The following LIN52 variants were observed in gnomAD, a reference collection of about 807,000 sequenced individuals.
LIN52 encodes lin-52 DREAM MuvB core complex component.
In LIN52, 4 loss-of-function variants were observed where a neutral mutation model predicts 18.5. That is an observed-to-expected ratio of 0.22 (90% confidence interval 0.11 to 0.49). LIN52 has a LOEUF of 0.49. Ranked by LOEUF, LIN52 falls within the 20% of genes least tolerant of loss-of-function variation. The probability of loss-of-function intolerance (pLI) is 0.97; values close to 1 mark genes in which losing one functional copy is unlikely to be tolerated. For missense variants in LIN52, 102 were observed against 139.5 expected (o/e 0.73, Z 1.35); for synonymous variants, 34 against 45.5 (o/e 0.75, Z 1.02).
intron 5 of LIN52, among the ~76,000 whole-genome samples, chr14:74,172,775 A>G (rs2061277098): frequency 6.6e-6 from 1 of 152,260 alleles, no homozygotes; most frequent in Non-Finnish European, 1.5e-5. Context: ...TGTTCTGCTC[A>G]AATAGCCACA....
At chr14:74,119,268 T>A (rs2060983557) in intron 5 of LIN52, among the ~76,000 whole-genome samples, 1 of 151,440 alleles carries the variant, frequency 6.6e-6, no homozygotes, top group East Asian at 1.9e-4. Flanking sequence ...TTCATGCCAT[T>A]CTCCTGCCTC....
At chr14:74,164,863 T>C (rs1389468597) in intron 5 of LIN52, among the ~76,000 whole-genome samples, 3 of 152,068 alleles carry the variant, frequency 2.0e-5, no homozygotes, top group Admixed American at 2.0e-4. Context: ...ATTACCAATG[T>C]TTGAGAAAAG....
At chr14:74,165,825 A>G (rs1441671384) in intron 5 of LIN52, among the ~76,000 whole-genome samples, 1 of 150,340 alleles carries the variant, frequency 6.7e-6, no homozygotes, top group Non-Finnish European at 1.5e-5. Flanking sequence ...CTTATTAAAC[A>G]TTGTTTAGCC....
chr14:74,166,678 A>G (rs1166757559), intron 5 of LIN52, among the ~76,000 whole-genome samples: 1 of 152,210 alleles, frequency 6.6e-6, no homozygotes, highest in Non-Finnish European at 1.5e-5. Flanking sequence ...CTTTAGCAAT[A>G]TGTTGATCAC....
At chr14:74,128,950 A>G (rs968587207) in intron 5 of LIN52, among the ~76,000 whole-genome samples, 2 of 152,202 alleles carry the variant, frequency 1.3e-5, no homozygotes, top group South Asian at 4.1e-4. Context: ...TAAAAAAACA[A>G]AACAAAACAA....
chr14:74,166,597 T>C (rs2061251009), intron 5 of LIN52, among the ~76,000 whole-genome samples: 1 of 152,232 alleles, frequency 6.6e-6, no homozygotes, highest in Admixed American at 6.5e-5. Flanking sequence ...CCAAAATATA[T>C]AATTCATTTT....
At chr14:74,116,414 A>T (rs573034612) in intron 5 of LIN52, among the ~76,000 whole-genome samples, 13 of 152,328 alleles carry the variant, frequency 8.5e-5, no homozygotes, top group African/African-American at 3.1e-4. Flanking sequence ...TCATTAAAAA[A>T]CATTAAAGGG....
chr14:74,144,014 C>A (rs910952842), intron 5 of LIN52, among the ~76,000 whole-genome samples: 7 of 151,968 alleles, frequency 4.6e-5, no homozygotes, highest in African/African-American at 1.7e-4. Context: ...CAAGATTCCA[C>A]ATATGAGTGA....
chr14:74,106,384 C>T (rs1353960112), intron 5 of LIN52, among the ~76,000 whole-genome samples: 1 of 152,104 alleles, frequency 6.6e-6, no homozygotes, highest in East Asian at 1.9e-4. Flanking sequence ...ATCCTCCCAC[C>T]TCAGCCTCCC....
chr14:74,103,684 C>T lies in LIN52; in HGVS notation c.283+2446C>T, dbSNP rs1237172179. Among the ~76,000 whole-genome samples, 11 of 148,500 alleles carry T rather than the reference C, an allele frequency of 7.4e-5. No individual in the cohort carries two copies. In the East Asian group the frequency reaches 1.6e-3, roughly 22 times the overall value. ...TGACCTCAGGTGATCTGCCCAACTC[C>T]GCCTCCCAAAGTGCTGGGATTACAG... On this transcript the variant is annotated intron_variant, in intron 5 of 5. Coordinates refer to ENST00000555028, the MANE Select transcript of LIN52 (RefSeq NM_001024674.3).
At chr14:74,146,303 C>T (rs2061152250) in intron 5 of LIN52, among the ~76,000 whole-genome samples, 2 of 152,076 alleles carry the variant, frequency 1.3e-5, no homozygotes, top group African/African-American at 4.8e-5. Flanking sequence ...ATATCTGTGC[C>T]AACCATAAGA....
intron 5 of LIN52, among the ~76,000 whole-genome samples, chr14:74,155,780 A>T (rs1413783122): frequency 1.3e-5 from 2 of 152,124 alleles, no homozygotes; most frequent in Non-Finnish European, 2.9e-5. Flanking sequence ...CCTCCTTCAG[A>T]TTGGCTTTTG....
intron 4 of LIN52, among the ~76,000 whole-genome samples, chr14:74,098,896 C>T (rs114885894): frequency 6.6e-6 from 1 of 152,072 alleles, no homozygotes; most frequent in Non-Finnish European, 1.5e-5. Context: ...AACACAAGTG[C>T]CTTATTTAGA....
rs567316176 is a variant in LIN52 at position 74,201,343 on chromosome 14, A to T, written c.*2366A>T. 3 of 152,192 alleles carry T rather than the reference A, an allele frequency of 2.0e-5. No homozygotes were observed. The South Asian group carries it at 6.2e-4, about 32-fold the overall frequency. 9.4% of individuals were successfully genotyped at this position (152,192 alleles called of 1,614,324 possible). A position where few individuals can be genotyped will look rare whatever the true frequency, so the allele number is the denominator to read the frequency against. The stretch of plus-strand genomic sequence containing the variant: ...AATCTACTGTTTTCCCCCTTAATAT[A>T]CTTAATGGATAGTTGGGGGCTTTAC... On this transcript the variant is annotated 3_prime_UTR_variant, in exon 6 of 6. Coordinates refer to ENST00000555028, the MANE Select transcript of LIN52 (RefSeq NM_001024674.3).
intron 5 of LIN52, among the ~76,000 whole-genome samples, chr14:74,103,865 G>A (rs897446014): frequency 1.4e-5 from 2 of 147,082 alleles, no homozygotes; most frequent in African/African-American, 5.0e-5. Flanking sequence ...TGAGACTACA[G>A]GCACATACCA....
intron 5 of LIN52, among the ~76,000 whole-genome samples, chr14:74,183,179 G>A (rs2061326472): frequency 6.6e-6 from 1 of 150,832 alleles, no homozygotes; most frequent in Admixed American, 6.6e-5. Flanking sequence ...CTCACTGCAA[G>A]TTTCATCTCC....
intron 5 of LIN52, among the ~76,000 whole-genome samples, chr14:74,196,227 G>A (rs1263733770): frequency 6.6e-6 from 1 of 152,216 alleles, no homozygotes; most frequent in Non-Finnish European, 1.5e-5. Context: ...TTAAATTCAA[G>A]GAGAGCTTGC....
At chr14:74,109,944 A>G (rs2139899920) in intron 5 of LIN52, among the ~76,000 whole-genome samples, 1 of 152,306 alleles carries the variant, frequency 6.6e-6, no homozygotes, top group Non-Finnish European at 1.5e-5. Context: ...CTTTAAATTA[A>G]TTCTTTTTCC....
At chr14:74,193,176 A>G (rs931630486) in intron 5 of LIN52, among the ~76,000 whole-genome samples, 33 of 151,878 alleles carry the variant, frequency 2.2e-4, no homozygotes, top group African/African-American at 8.0e-4. Context: ...ATTTTGCCTC[A>G]TCATTTAATA....
Sources: allele counts gnomAD v4.1 joint callset (sites outside exome capture counted in the v4.1 genomes callset), GRCh38; gene constraint gnomAD v4.1.1; transcripts MANE v1.5; gene names NCBI Gene and HGNC (gene_info 2026-07-23, HGNC 2026-07-21).